Variants in ABCC4 observed in about 807,000 individuals in gnomAD.
ABCC4 encodes the protein ATP binding cassette subfamily C member 4 (PEL blood group), also known as ATP-binding cassette sub-family C member 4.
In ABCC4, 102 loss-of-function variants were observed where a neutral mutation model predicts 168.5. That is an observed-to-expected ratio of 0.61 (90% CI 0.52 to 0.71). The LOEUF is 0.71. ABCC4 is among the 30% of genes least tolerant of loss of function. ABCC4 has a pLI of 0.00. For synonymous variants in ABCC4, 617 were observed against 590.7 expected, an observed-to-expected ratio of 1.04 and a Z score of -0.65; for missense variants, 1,402 against 1,605.8, an observed-to-expected ratio of 0.87 and a Z score of 2.17.
chr13:95,078,414 AAAAAAC>A (rs1455917883), intron 21 of ABCC4, among the ~76,000 whole-genome samples: 1 of 83,856 alleles, frequency 1.2e-5, no homozygotes, highest in African/African-American at 3.0e-5. Flanking sequence ...CTATGTCTCA[AAAAAAC>A]AAAAACAAAA....
intron 21 of ABCC4, among the ~76,000 whole-genome samples, chr13:95,076,524 T>A (rs1206200140): frequency 6.9e-6 from 1 of 143,904 alleles, no homozygotes; most frequent in Admixed American, 7.0e-5. Flanking sequence ...TTTTTTTTTT[T>A]AAGAGGGAGT....
At chr13:95,146,208 CA>C (rs796273450) in intron 19 of ABCC4, among the ~76,000 whole-genome samples, 36,483 of 124,644 alleles carry the variant, frequency 0.29, 5,000 homozygotes, top group African/African-American at 0.45. Context: ...AAGACTCTCT[CA>C]AAAAAAAAAA....
chr13:95,101,018 A>G (rs2034785341), intron 20 of ABCC4, among the ~76,000 whole-genome samples: 1 of 152,180 alleles, frequency 6.6e-6, no homozygotes, highest in African/African-American at 2.4e-5. Flanking sequence ...TTGCTTCTAT[A>G]AAAGCGAGTG....
Position 95,264,211 on chromosome 13 carries a change from A to G in ABCC4, c.75-16458T>C, listed in dbSNP as rs780332934. Among the ~76,000 whole-genome samples the G allele has an allele frequency of 9.7e-4, 147 of 152,154 alleles. 1 individual carries two copies. The highest frequency in any genetic ancestry group is 7.8e-4 in the Non-Finnish European group (53 of 68,028). Reference sequence around the variant, plus strand: ...ATTTCTTACTGTAGAATGCCAACCAATTAAGAACAGAATTAACAATAGAAT... The same window carrying G: ...ATTTCTTACTGTAGAATGCCAACCAGTTAAGAACAGAATTAACAATAGAAT... On this transcript the variant is annotated intron_variant, in intron 1 of 30. Coordinates refer to ENST00000645237, the MANE Select transcript of ABCC4 (RefSeq NM_005845.5).
chr13:95,209,985 T>C (rs889110948), intron 5 of ABCC4, among the ~76,000 whole-genome samples: 1 of 152,202 alleles, frequency 6.6e-6, no homozygotes, highest in Non-Finnish European at 1.5e-5. Context: ...AATTTACTTG[T>C]GTGTTTGTCT....
At chr13:95,254,077 T>C (rs1296105190) in intron 1 of ABCC4, among the ~76,000 whole-genome samples, 1 of 152,114 alleles carries the variant, frequency 6.6e-6, no homozygotes, top group East Asian at 1.9e-4. Flanking sequence ...AAGTATATTT[T>C]TGTAAAGATA....
At chr13:95,235,573 C>G (rs1485041444) in intron 3 of ABCC4, among the ~76,000 whole-genome samples, 2 of 152,238 alleles carry the variant, frequency 1.3e-5, no homozygotes, top group Non-Finnish European at 2.9e-5. Context: ...CTCTTGCCAC[C>G]TTCTTCACAG....
chr13:95,091,970 G>A (rs1001900143), intron 20 of ABCC4, among the ~76,000 whole-genome samples: 1 of 152,002 alleles, frequency 6.6e-6, no homozygotes. Flanking sequence ...GTGGAAAAAG[G>A]ATTTCATGCA....
chr13:95,220,865 T>C (rs1163147351), intron 4 of ABCC4, among the ~76,000 whole-genome samples: 1 of 152,142 alleles, frequency 6.6e-6, no homozygotes, highest in Non-Finnish European at 1.5e-5. Context: ...AGATGAGGAC[T>C]TCAAAACACA....
intron 19 of ABCC4, among the ~76,000 whole-genome samples, chr13:95,117,741 T>C (rs1386115302): frequency 6.6e-6 from 1 of 151,258 alleles, no homozygotes; most frequent in Non-Finnish European, 1.5e-5. Context: ...ATTGCAAGTA[T>C]GGTTCAGCTT....
chr13:95,208,900 T>G (rs9516536), intron 6 of ABCC4, among the ~76,000 whole-genome samples: 98,963 of 151,878 alleles, frequency 0.65, 32,341 homozygotes, highest in African/African-American at 0.69. Context: ...GATTACAGGC[T>G]TCAGCCACCA....
Position 95,155,397 on chromosome 13 carries a change from A to G in ABCC4, c.2455+5792T>C, listed in dbSNP as rs142737219. On this transcript the variant is annotated intron_variant, in intron 19 of 30. Transcript: ENST00000645237. ...AACCCTCGATTTTTGATTAGGGAACATAGGAGAATATGTCTATCTTAAAAT... is the reference window on the plus strand; with the variant it reads ...AACCCTCGATTTTTGATTAGGGAACGTAGGAGAATATGTCTATCTTAAAAT... Among the ~76,000 whole-genome samples, 722 of 152,250 alleles carry G rather than the reference A, an allele frequency of 4.7e-3. 5 individuals are homozygous for G. The highest frequency in any genetic ancestry group is 0.017 in the African/African-American group (690 of 41,540).
At position 95,188,543 on chromosome 13, in the gene ABCC4, C is replaced by T. The variant is rs1463507832; in HGVS notation, c.1264-1G>A. The T allele has an allele frequency of 1.2e-6, 2 of 1,604,076 alleles. No individual in the cohort carries two copies. The highest frequency in any genetic ancestry group is 1.7e-5 in the Admixed American group (1 of 58,730). On this transcript the variant is annotated splice_acceptor_variant, in intron 9 of 30. Transcript: ENST00000645237. LOFTEE classifies it high-confidence loss of function. ...CTTGTAGAGTTGGGGTCTCTGATGC[C>T]TACAAATTAAAGTTTATAAAATGTG...
At chr13:95,188,312 A>T in intron 10 of ABCC4, 141 bp downstream of exon 10, 1 of 740,772 alleles carries the variant, frequency 1.3e-6, no homozygotes, top group Non-Finnish European at 2.4e-6. Flanking sequence ...TTCTTGCAAA[A>T]CGAATGTTCC....
chr13:95,101,848 T>C (rs910653589), intron 20 of ABCC4, among the ~76,000 whole-genome samples: 1 of 152,220 alleles, frequency 6.6e-6, no homozygotes, highest in Non-Finnish European at 1.5e-5. Flanking sequence ...ATTACCTTAA[T>C]GCAGCATAAT....
intron 21 of ABCC4, among the ~76,000 whole-genome samples, chr13:95,080,237 C>T (rs996563703): frequency 3.9e-5 from 6 of 152,288 alleles, no homozygotes; most frequent in Middle Eastern, 3.4e-3. Flanking sequence ...AAATTGGATA[C>T]GGCTTCACAT....
chr13:95,175,630 A>C (rs1355484501), intron 13 of ABCC4, among the ~76,000 whole-genome samples: 1 of 152,202 alleles, frequency 6.6e-6, no homozygotes, highest in Non-Finnish European at 1.5e-5. Context: ...TTAGAGAAGT[A>C]ATTACACTAA....
At chr13:95,107,960 G>C (rs890269586) in intron 20 of ABCC4, among the ~76,000 whole-genome samples, 4 of 152,000 alleles carry the variant, frequency 2.6e-5, no homozygotes, top group Non-Finnish European at 4.4e-5. Context: ...AGAAAGAAAA[G>C]AAAATCTAGT....
At chr13:95,130,220 C>T (rs1189423) in intron 19 of ABCC4, among the ~76,000 whole-genome samples, 70,323 of 152,012 alleles carry the variant, frequency 0.46, 17,505 homozygotes, top group South Asian at 0.68. Context: ...ATTAAATTCA[C>T]ATGCAGACAA....
Sources: allele counts gnomAD v4.1 joint callset (sites outside exome capture counted in the v4.1 genomes callset), GRCh38; gene constraint gnomAD v4.1.1; transcripts MANE v1.5; gene names NCBI Gene and HGNC (gene_info 2026-07-23, HGNC 2026-07-21).